Variants in PTPRT observed in about 807,000 individuals in gnomAD.
The protein encoded by PTPRT is protein tyrosine phosphatase receptor type T.
PTPRT carries 56 observed loss-of-function variants against 176.8 expected under a neutral mutation model. The observed-to-expected ratio is 0.32, with a 90% CI of 0.26 to 0.40. The LOEUF is 0.40. PTPRT is among the 10% of genes least tolerant of loss of function. The probability of loss-of-function intolerance (pLI) is 1.00; values close to 1 mark genes in which losing one functional copy is unlikely to be tolerated. For missense variants in PTPRT, 1,540 were observed against 1,908.2 expected (o/e 0.81, Z 3.60); for synonymous variants, 783 against 739.0 (o/e 1.06, Z -0.96).
intron 9 of PTPRT, among the ~76,000 whole-genome samples, chr20:42,409,110 T>C (rs2058988303): frequency 6.6e-6 from 1 of 152,174 alleles, no homozygotes; most frequent in African/African-American, 2.4e-5. Flanking sequence ...CTATTAAACG[T>C]GGGCTTGTTA....
chr20:42,718,275 C>G (rs1230955200), intron 6 of PTPRT, among the ~76,000 whole-genome samples: 1 of 152,190 alleles, frequency 6.6e-6, no homozygotes, highest in Admixed American at 6.5e-5. Context: ...CGGTGGCTCA[C>G]GCCTGTAATC....
rs140335457 is a variant in PTPRT, at chr20:42,357,636, C to T, written c.1561-5351G>A. ...TGGCTTTGGCTTCTGTATCAAGGCG[C>T]AGTGGCTCATGTCTGAAATCCCAGC... On this transcript the variant is annotated intron_variant, in intron 9 of 30. Transcript: ENST00000373187. Among the ~76,000 whole-genome samples the T allele has an allele frequency of 6.0e-3, 912 of 152,260 alleles. 5 individuals are homozygous for T. The highest frequency in any genetic ancestry group is 0.014 in the Middle Eastern group (4 of 294).
intron 7 of PTPRT, among the ~76,000 whole-genome samples, chr20:42,608,297 A>G (rs1469240261): frequency 6.6e-6 from 1 of 152,194 alleles, no homozygotes; most frequent in Non-Finnish European, 1.5e-5. Context: ...TATAAAGAGG[A>G]CCGTTGCCAG....
intron 18 of PTPRT, among the ~76,000 whole-genome samples, chr20:42,129,974 TG>T (rs1165105940): frequency 6.6e-6 from 1 of 152,160 alleles, no homozygotes; most frequent in Non-Finnish European, 1.5e-5. Flanking sequence ...ACAGTGACCC[TG>T]TGGAAGAGAA....
At chr20:42,757,367 G>T (rs561785118) in intron 5 of PTPRT, among the ~76,000 whole-genome samples, 1 of 152,290 alleles carries the variant, frequency 6.6e-6, no homozygotes, top group South Asian at 2.1e-4. Context: ...CAGGCCCTGT[G>T]GCTGGTGCCC....
chr20:42,033,223 C>G, the PTPRT span, among the ~76,000 whole-genome samples: 2 of 152,316 alleles, frequency 1.3e-5, no homozygotes, highest in East Asian at 3.9e-4. Context: ...GGCGAAGAGT[C>G]TGAAACATCC....
chr20:42,299,965 A>G (rs1260312392), intron 12 of PTPRT, among the ~76,000 whole-genome samples: 1 of 150,150 alleles, frequency 6.7e-6, no homozygotes, highest in African/African-American at 2.4e-5. Context: ...CTTTTATGAT[A>G]GATAGCTAAA....
intron 19 of PTPRT, among the ~76,000 whole-genome samples, chr20:42,125,283 A>G (rs753922934): frequency 9.9e-5 from 15 of 152,228 alleles, no homozygotes; most frequent in Admixed American, 5.2e-4. Flanking sequence ...CAGTAATTGC[A>G]CACTTGTGGG....
At chr20:43,159,711 T>A (rs930328200) in intron 1 of PTPRT, among the ~76,000 whole-genome samples, 2 of 152,128 alleles carry the variant, frequency 1.3e-5, no homozygotes, top group Non-Finnish European at 2.9e-5. Context: ...TAATATACTC[T>A]CAGATGTCCA....
intron 7 of PTPRT, among the ~76,000 whole-genome samples, chr20:42,647,899 GA>G (rs766042792): frequency 1.3e-5 from 2 of 152,170 alleles, no homozygotes; most frequent in Non-Finnish European, 2.9e-5. Flanking sequence ...AGGGTTAAGA[GA>G]AATCATTAAG....
intron 7 of PTPRT, among the ~76,000 whole-genome samples, chr20:42,574,027 G>T (rs574804110): frequency 6.6e-6 from 1 of 152,188 alleles, no homozygotes; most frequent in South Asian, 2.1e-4. Context: ...GATTACAGGC[G>T]TGAGCCACCG....
At chr20:42,330,570 C>A (rs1182559213) in intron 11 of PTPRT, among the ~76,000 whole-genome samples, 4 of 151,930 alleles carry the variant, frequency 2.6e-5, no homozygotes, top group Non-Finnish European at 5.9e-5. Flanking sequence ...TAACTTTAAG[C>A]AAGTCTATGT....
At chr20:43,183,349 A>G (rs879747984) in intron 1 of PTPRT, among the ~76,000 whole-genome samples, 1 of 152,194 alleles carries the variant, frequency 6.6e-6, no homozygotes, top group East Asian at 1.9e-4. Context: ...ATTTACAGGT[A>G]TTATCTCCAG....
At chr20:43,051,842 T>C (rs1007278095) in intron 1 of PTPRT, among the ~76,000 whole-genome samples, 3 of 152,028 alleles carry the variant, frequency 2.0e-5, no homozygotes, top group Admixed American at 1.3e-4. Flanking sequence ...AAAATCCTAT[T>C]TCACTAATAA....
intron 1 of PTPRT, among the ~76,000 whole-genome samples, chr20:43,173,824 T>C (rs2015062665): frequency 6.6e-6 from 1 of 152,248 alleles, no homozygotes; most frequent in Non-Finnish European, 1.5e-5. Flanking sequence ...TGGAGCTTCC[T>C]TCTGGGAAAG....
At chr20:42,597,502 G>T (rs1766994079) in intron 7 of PTPRT, among the ~76,000 whole-genome samples, 1 of 152,122 alleles carries the variant, frequency 6.6e-6, no homozygotes. Flanking sequence ...TCTCATGAAT[G>T]GTTTAACATC....
chr20:42,584,825 T>C (rs138510201), intron 7 of PTPRT, among the ~76,000 whole-genome samples: 43 of 152,350 alleles, frequency 2.8e-4, no homozygotes, highest in African/African-American at 9.9e-4. Context: ...ATGAATTAAT[T>C]AGCACACGTT....
chr20:42,776,935 A>G (rs1026086372), intron 4 of PTPRT, among the ~76,000 whole-genome samples: 11 of 151,830 alleles, frequency 7.2e-5, no homozygotes, highest in Non-Finnish European at 2.9e-5. Context: ...CTTCACTTCA[A>G]TAGAAGTCCA....
At chr20:42,746,437 C>T (rs561887443) in intron 6 of PTPRT, among the ~76,000 whole-genome samples, 2 of 152,102 alleles carry the variant, frequency 1.3e-5, no homozygotes, top group Admixed American at 6.6e-5. Flanking sequence ...CATAGGCACG[C>T]ACTTTGTTTA....
Sources: allele counts gnomAD v4.1 joint callset (sites outside exome capture counted in the v4.1 genomes callset), GRCh38; gene constraint gnomAD v4.1.1; transcripts MANE v1.5; gene names NCBI Gene and HGNC (gene_info 2026-07-23, HGNC 2026-07-21).